Variants in EFTUD2 observed in about 807,000 individuals in gnomAD.
The protein encoded by EFTUD2 is 116 kDa U5 small nuclear ribonucleoprotein component.
EFTUD2 carries 9 observed loss-of-function variants against 114.3 expected under a neutral mutation model. The observed-to-expected ratio is 0.08, with a 90% CI of 0.05 to 0.14. The LOEUF is 0.14. Among genes scored for constraint, EFTUD2 ranks in the 10% least tolerant of loss-of-function variants. The pLI is 1.00. For missense variants in EFTUD2, 765 were observed against 1,241.2 expected (o/e 0.62, Z 5.76); for synonymous variants, 449 against 462.3 (o/e 0.97, Z 0.37).
At position 44,893,775 on chromosome 17, in the gene EFTUD2, G is replaced by C. The variant is rs79091022; in HGVS notation, c.105+642C>G. Among the ~76,000 whole-genome samples the C allele has an allele frequency of 4.5e-3, 573 of 128,318 alleles. 5 individuals carry two copies. The highest frequency in any genetic ancestry group is 0.016 in the African/African-American group (561 of 35,488). 84.2% of individuals were successfully genotyped at this position (128,318 alleles called of 152,430 possible). ...TGTTTTTTAAAAAAAGGTGGGGGGG[G>C]GGGTGGGGGGGCAGGCATGGTGGCT... On this transcript the variant is annotated intron_variant, in intron 2 of 27. Transcript: ENST00000426333.
intron 2 of EFTUD2, among the ~76,000 whole-genome samples, chr17:44,887,566 A>T (rs1384746784): frequency 1.3e-5 from 2 of 152,214 alleles, no homozygotes; most frequent in African/African-American, 4.8e-5. Flanking sequence ...ATGCTGAGTA[A>T]AGAGGCCAGA....
intron 7 of EFTUD2, 138 bp downstream of exon 7, chr17:44,881,549 G>T: frequency 2.2e-6 from 2 of 905,434 alleles, no homozygotes; most frequent in South Asian, 1.5e-5. Context: ...GGAAGAAGGA[G>T]ATGGGATGTG....
At chr17:44,891,603 A>C (rs2051280810) in intron 2 of EFTUD2, among the ~76,000 whole-genome samples, 1 of 152,026 alleles carries the variant, frequency 6.6e-6, no homozygotes, top group Non-Finnish European at 1.5e-5. Flanking sequence ...TCCTGCCTTG[A>C]CCTTCCAAAG....
rs978295688 is a variant in EFTUD2, at chr17:44,850,256, C to T, written c.*1018G>A. 8 of 1,178,060 alleles carry T rather than the reference C, an allele frequency of 6.8e-6. No homozygotes were observed. The African/African-American group carries it at 1.2e-4, about 17-fold the overall frequency. 73.0% of individuals were successfully genotyped at this position (1,178,060 alleles called of 1,614,324 possible). On this transcript the variant is annotated 3_prime_UTR_variant, in exon 28 of 28. Coordinates refer to ENST00000426333, the MANE Select transcript of EFTUD2 (RefSeq NM_004247.4). Reference sequence around the variant, plus strand: ...CTCAAGGGAGCAGCTAGAGGTGAACCCCTAGGACGCCTGAGAGCCAGAGGA... The same window carrying T: ...CTCAAGGGAGCAGCTAGAGGTGAACTCCTAGGACGCCTGAGAGCCAGAGGA...
At chr17:44,896,871 C>T (rs1225774681) in intron 1 of EFTUD2, among the ~76,000 whole-genome samples, 3 of 152,088 alleles carry the variant, frequency 2.0e-5, no homozygotes, top group Non-Finnish European at 2.9e-5. Context: ...ATGAATAATC[C>T]TCACTGAATA....
intron 12 of EFTUD2, 132 bp from the exon 13 acceptor site, chr17:44,868,029 G>T: frequency 1.0e-6 from 1 of 971,010 alleles, no homozygotes. Flanking sequence ...AAAGTTTCCA[G>T]AGACAGATTC....
At chr17:44,894,584 T>TCAA in intron 1 of EFTUD2, 59 bp from the exon 2 acceptor site, 2 of 1,261,700 alleles carry the variant, frequency 1.6e-6, no homozygotes, top group Non-Finnish European at 2.3e-6. Context: ...CTTCATGTGG[T>TCAA]GGCTCCACCT....
At position 44,883,043 on chromosome 17, in the gene EFTUD2, T is replaced by TA. The variant is rs1255748133; in HGVS notation, c.492+49dup. On this transcript the variant is annotated intron_variant, in intron 6 of 27. Coordinates refer to ENST00000426333, the MANE Select transcript of EFTUD2 (RefSeq NM_004247.4). ...GAAGGAAGGAGGAGAGAGACATCTC[T>TA]ATCTGTTCTGAATGGTTCATCCTAA... 6.3e-6 allele frequency: 10 copies of TA among 1,579,518 alleles called. No individual in the cohort carries two copies. In the African/African-American group the frequency reaches 9.4e-5, roughly 15 times the overall value.
chr17:44,885,321 C>T lies in EFTUD2; in HGVS notation c.285G>A (p.Lys95=). ...DTQPLTEPII[K]PVKTKKFTLM... ...GAGTGAATTTCTTGGTTTTCACTGG[C>T]TTAATAATGGGTTCTAGAAGAAAAA... Residue 95 remains lysine, a synonymous_variant, in exon 4 of 28, where the codon AAG becomes AAA. Coordinates refer to ENST00000426333, the MANE Select transcript of EFTUD2 (RefSeq NM_004247.4). 6.2e-7 allele frequency: 1 copy of T among 1,612,754 alleles called. No individual in the cohort carries two copies. The highest frequency in any genetic ancestry group is 8.5e-7 in the Non-Finnish European group (1 of 1,179,134).
chr17:44,899,109 T>C (rs1347087368), intron 1 of EFTUD2: 1 of 152,132 alleles, frequency 6.6e-6, no homozygotes, highest in Non-Finnish European at 1.5e-5. Flanking sequence ...CACTCCTACC[T>C]AGCGATACGA....
At chr17:44,882,757 A>G (rs548854110) in intron 6 of EFTUD2, among the ~76,000 whole-genome samples, 2 of 152,342 alleles carry the variant, frequency 1.3e-5, no homozygotes, top group South Asian at 4.1e-4. Context: ...TAAATTTACC[A>G]TGAAAACCAG....
chr17:44,874,728 A>G (rs2050915686), intron 10 of EFTUD2, among the ~76,000 whole-genome samples: 1 of 152,234 alleles, frequency 6.6e-6, no homozygotes, highest in African/African-American at 2.4e-5. Context: ...CATATGTATC[A>G]ATGCAAGCCC....
intron 9 of EFTUD2, among the ~76,000 whole-genome samples, chr17:44,876,880 A>AAAAAAAAC: frequency 6.9e-6 from 1 of 145,462 alleles, no homozygotes; most frequent in African/African-American, 2.5e-5. Flanking sequence ...AAAAAAAAAA[A>AAAAAAAAC]ACTACTCCCC....
At chr17:44,890,971 C>T (rs943707085) in intron 2 of EFTUD2, among the ~76,000 whole-genome samples, 6 of 151,834 alleles carry the variant, frequency 4.0e-5, no homozygotes, top group South Asian at 2.1e-4. Flanking sequence ...TTATTAATTA[C>T]GGCGAGGGAA....
chr17:44,886,826 G>A, intron 2 of EFTUD2, 76 bp from the exon 3 acceptor site: 2 of 1,529,876 alleles, frequency 1.3e-6, no homozygotes, highest in South Asian at 2.4e-5. Flanking sequence ...CTCCGTGAGT[G>A]ACAGCACTGA....
rs990088509 is a variant in EFTUD2 at position 44,891,025 on chromosome 17, T to C, written c.105+3392A>G. On this transcript the variant is annotated intron_variant, in intron 2 of 27. Transcript: ENST00000426333. ...TTGGTGTCTATCACTAAGAGAGGAA[T>C]GTCACCAGGGCAAACCGAGTAGCAG... Among the ~76,000 whole-genome samples the C allele has an allele frequency of 8.5e-5, 13 of 152,132 alleles. No homozygotes were observed. In the East Asian group the frequency reaches 1.2e-3, roughly 14 times the overall value.
intron 3 of EFTUD2, 50 bp downstream of exon 3, chr17:44,886,535 G>T (rs899921912): frequency 6.2e-7 from 1 of 1,600,186 alleles, no homozygotes; most frequent in Non-Finnish European, 8.5e-7. Flanking sequence ...GAGCTATGAA[G>T]TTTCCAGGTT....
chr17:44,852,291 G>C lies in EFTUD2; in HGVS notation c.2715+118C>G, dbSNP rs56134215. ...CCCTGAATATATGCTCCCCAGAGGAGGACTCTTCTCCAGGATGCTGTACAC... is the reference window on the plus strand; with the variant it reads ...CCCTGAATATATGCTCCCCAGAGGACGACTCTTCTCCAGGATGCTGTACAC... On this transcript the variant is annotated intron_variant, in intron 26 of 27. Transcript: ENST00000426333. 93,369 of 1,286,060 alleles carry C rather than the reference G, an allele frequency of 0.073. 3,966 individuals are homozygous for C. Among genetic ancestry groups the C allele is most frequent in the Non-Finnish European group, 0.086 (80,798 of 935,622 alleles). The allele number at this position is 1,286,060 out of a possible 1,614,324, so 79.7% of individuals were successfully genotyped here. A position where few individuals can be genotyped will look rare whatever the true frequency, so the allele number is the denominator to read the frequency against.
In EFTUD2 at chr17:44,894,381, T is replaced by C. The variant is rs370768284; in HGVS notation, c.105+36A>G. 9 of 1,502,390 alleles carry C rather than the reference T, an allele frequency of 6.0e-6. No homozygotes were observed. The African/African-American group carries it at 1.2e-4, about 21-fold the overall frequency. The allele number at this position is 1,502,390 out of a possible 1,614,324, so 93.1% of individuals were successfully genotyped here. On this transcript the variant is annotated intron_variant, in intron 2 of 27. Transcript: ENST00000426333. ...GAGATCTTGTCTTAAATAAAATAAA[T>C]AAGAGTGAGATAAAAGAGCAATATA... is the stretch of plus-strand genomic sequence containing the variant.
Sources: gnomAD v4.1 joint callset for allele counts (sites outside exome capture counted in the v4.1 genomes callset) on GRCh38, gnomAD v4.1.1 for gene constraint, MANE v1.5 for transcripts, NCBI Gene and HGNC (gene_info 2026-07-23, HGNC 2026-07-21) for gene names.